Variants in OR1D2 observed in about 807,000 individuals in gnomAD.
The protein encoded by OR1D2 is olfactory receptor 1D2.
For synonymous variants in OR1D2, 157 were observed against 153.9 expected (o/e 1.02, Z -0.15); for missense variants, 357 against 376.1 (o/e 0.95, Z 0.42).
At chr17:3,094,132 TTGGG>T (rs1314912560) in intron 1 of OR1D2, among the ~76,000 whole-genome samples, 4 of 152,174 alleles carry the variant, frequency 2.6e-5, no homozygotes, top group African/African-American at 9.7e-5. Context: ...GCAGATTAAT[TTGGG>T]TGCACTGTAT....
At chr17:3,100,707 C>G (rs973260141) in intron 1 of OR1D2, among the ~76,000 whole-genome samples, 1 of 151,966 alleles carries the variant, frequency 6.6e-6, no homozygotes, top group Non-Finnish European at 1.5e-5. Flanking sequence ...CACAAAAAAA[C>G]CCTTCAAAAA....
chr17:3,092,803 T>C lies in OR1D2; in HGVS notation c.194A>G (p.Asn65Ser), dbSNP rs200416505. 1.2e-5 allele frequency: 20 copies of C among 1,613,394 alleles called. No homozygotes were observed. The highest frequency in any genetic ancestry group is 4.0e-5 in the African/African-American group (3 of 74,668). ...LHTPVYFFLANLSFTDLFFVT... is the reference protein window; with the variant it reads ...LHTPVYFFLASLSFTDLFFVT... ...AAAGAAGAGGTCAGTGAAGGAGAGG[T>C]TGGCCAGGAAGAAGTACACGGGGGT... Residue 65 changes from asparagine (N) to serine (S), a missense_variant, in exon 2 of 2, where the codon AAC (asparagine) becomes AGC (serine). Coordinates refer to ENST00000641833, the MANE Select transcript of OR1D2 (RefSeq NM_002548.3).
rs148991142 is a variant in OR1D2 at position 3,096,964 on chromosome 17, A to G, written c.-50-3918T>C. Among the ~76,000 whole-genome samples the G allele has an allele frequency of 3.4e-3, 519 of 152,390 alleles. 2 individuals carry two copies. Among genetic ancestry groups the G allele is most frequent in the South Asian group, 0.018 (85 of 4,830 alleles). ...TCTATGATAGACCATATTCTAGGCC[A>G]TAAAATAAACCCAAATGACATTAAA... On this transcript the variant is annotated intron_variant, in intron 1 of 1. Transcript: ENST00000641833.
At chr17:3,099,554 A>G (rs1194971712) in intron 1 of OR1D2, among the ~76,000 whole-genome samples, 1 of 152,212 alleles carries the variant, frequency 6.6e-6, no homozygotes, top group African/African-American at 2.4e-5. Flanking sequence ...AAAAACTGGT[A>G]CCAGCGACTG....
Position 3,089,627 on chromosome 17 carries a change from G to C in OR1D2, c.*2431C>G, listed in dbSNP as rs2047794574. ...CAAGAGATTATGCCCTTTGTCTTCGGCTACCAGGGTGCGTAGAGAAAGACC... is the reference window on the plus strand; with the variant it reads ...CAAGAGATTATGCCCTTTGTCTTCGCCTACCAGGGTGCGTAGAGAAAGACC... On this transcript the variant is annotated 3_prime_UTR_variant, in exon 2 of 2. Transcript: ENST00000641833. The C allele has an allele frequency of 6.6e-6, 1 of 152,240 alleles. No individual in the cohort carries two copies. The allele number at this position is 152,240 out of a possible 1,614,324, so 9.4% of individuals were successfully genotyped here.
In OR1D2 at chr17:3,093,028, C is replaced by T. The variant is rs575890680; in HGVS notation, c.-32G>A. 3 of 1,578,082 alleles carry T rather than the reference C, an allele frequency of 1.9e-6. No homozygotes were observed. Among genetic ancestry groups the T allele is most frequent in the Non-Finnish European group, 2.6e-6 (3 of 1,153,290 alleles). On this transcript the variant is annotated 5_prime_UTR_variant, in exon 2 of 2. Transcript: ENST00000641833. ...AACTCTCTTTTAACATTAACACCAG[C>T]AAATGTTTACCAAAAGTCCTTAATT...
At chr17:3,100,617 T>G (rs576104545) in intron 1 of OR1D2, among the ~76,000 whole-genome samples, 53 of 151,968 alleles carry the variant, frequency 3.5e-4, no homozygotes, top group Non-Finnish European at 6.0e-4. Flanking sequence ...TTAAAAGAGC[T>G]AGAGAATCAA....
chr17:3,101,694 T>C (rs2047875564), intron 1 of OR1D2, among the ~76,000 whole-genome samples: 1 of 152,080 alleles, frequency 6.6e-6, no homozygotes, highest in Non-Finnish European at 1.5e-5. Context: ...AGAAAGAAAT[T>C]AAGGGGATTC....
intron 1 of OR1D2, among the ~76,000 whole-genome samples, chr17:3,100,333 C>A (rs1241989140): frequency 6.6e-6 from 1 of 152,146 alleles, no homozygotes; most frequent in African/African-American, 2.4e-5. Context: ...GTCTCTCAGA[C>A]CACAGTGCCA....
intron 1 of OR1D2, among the ~76,000 whole-genome samples, chr17:3,096,304 A>C (rs2047844351): frequency 6.6e-6 from 1 of 152,222 alleles, no homozygotes; most frequent in Non-Finnish European, 1.5e-5. Context: ...AGAGTGGATA[A>C]AAACATGATT....
chr17:3,095,957 AATAAT>A (rs2047842952), intron 1 of OR1D2, among the ~76,000 whole-genome samples: 1 of 152,126 alleles, frequency 6.6e-6, no homozygotes, highest in African/African-American at 2.4e-5. Flanking sequence ...AAAGGAAGAA[AATAAT>A]AGAATTATAT....
rs768626707 is a variant in OR1D2, at chr17:3,093,024, C to A, written c.-28G>T. ...CCCCAACTCTCTTTTAACATTAACA[C>A]CAGCAAATGTTTACCAAAAGTCCTT... On this transcript the variant is annotated 5_prime_UTR_variant, in exon 2 of 2. Transcript: ENST00000641833. 5.0e-6 allele frequency: 8 copies of A among 1,584,690 alleles called. No homozygotes were observed. The Admixed American group carries it at 1.0e-4, about 21-fold the overall frequency.
At chr17:3,095,759 T>C (rs1298692871) in intron 1 of OR1D2, among the ~76,000 whole-genome samples, 2 of 152,052 alleles carry the variant, frequency 1.3e-5, no homozygotes, top group Admixed American at 1.3e-4. Context: ...TAAGATAATA[T>C]GTATATGATG....
At chr17:3,093,391 T>C (rs1377974978) in intron 1 of OR1D2, among the ~76,000 whole-genome samples, 1 of 152,194 alleles carries the variant, frequency 6.6e-6, no homozygotes, top group Non-Finnish European at 1.5e-5. Context: ...TAGGAACAAT[T>C]ATTATTTGTT....
In OR1D2 at chr17:3,091,265, A is replaced by G. The variant is rs1244561166; in HGVS notation, c.*793T>C. On this transcript the variant is annotated 3_prime_UTR_variant, in exon 2 of 2. Coordinates refer to ENST00000641833, the MANE Select transcript of OR1D2 (RefSeq NM_002548.3). ...TCACTCCTTTCACCCGTTTTGAAATATCTTTTACCTGATGTCATTGCAGCA... is the reference window on the plus strand; with the variant it reads ...TCACTCCTTTCACCCGTTTTGAAATGTCTTTTACCTGATGTCATTGCAGCA... 6.6e-6 allele frequency: 1 copy of G among 152,208 alleles called. No individual in the cohort carries two copies. The highest frequency in any genetic ancestry group is 6.5e-5 in the Admixed American group (1 of 15,274). The allele number at this position is 152,208 out of a possible 1,614,324, so 9.4% of individuals were successfully genotyped here.
Position 3,093,009 on chromosome 17 carries a change from C to A in OR1D2, c.-13G>T. The A allele has an allele frequency of 6.2e-7, 1 of 1,610,614 alleles. No individual in the cohort carries two copies. The highest frequency in any genetic ancestry group is 8.5e-7 in the Non-Finnish European group (1 of 1,177,608). ...TGCCTCCATCCATTTCCCCAACTCT[C>A]TTTTAACATTAACACCAGCAAATGT... On this transcript the variant is annotated 5_prime_UTR_variant, in exon 2 of 2. It introduces an in-frame stop codon into an upstream open reading frame of the 5' UTR. Coordinates refer to ENST00000641833, the MANE Select transcript of OR1D2 (RefSeq NM_002548.3).
chr17:3,095,238 A>G lies in OR1D2; in HGVS notation c.-50-2192T>C, dbSNP rs7215883. Among the ~76,000 whole-genome samples, 1,091 of 152,252 alleles carry G rather than the reference A, an allele frequency of 7.2e-3. 17 individuals are homozygous for G. Among genetic ancestry groups the G allele is most frequent in the African/African-American group, 0.025 (1,043 of 41,586 alleles). On this transcript the variant is annotated intron_variant, in intron 1 of 1. Coordinates refer to ENST00000641833, the MANE Select transcript of OR1D2 (RefSeq NM_002548.3). ...GTAAAAAGGCTGAAAGGCAGAGACA[A>G]GGAGAAAATCTTGAAATCAGCAAGT...
intron 1 of OR1D2, among the ~76,000 whole-genome samples, chr17:3,093,724 AT>A (rs1332952025): frequency 1.3e-5 from 2 of 152,352 alleles, no homozygotes; most frequent in African/African-American, 4.8e-5. Context: ...AAACTATCTC[AT>A]CCCCACTGTC....
At chr17:3,099,617 A>G (rs2151708352) in intron 1 of OR1D2, among the ~76,000 whole-genome samples, 1 of 152,174 alleles carries the variant, frequency 6.6e-6, no homozygotes, top group East Asian at 1.9e-4. Context: ...AACTGCATCA[A>G]CCAGTGTGCA....
Sources: gnomAD v4.1 joint callset for allele counts (sites outside exome capture counted in the v4.1 genomes callset) on GRCh38, gnomAD v4.1.1 for gene constraint, MANE v1.5 for transcripts, NCBI Gene and HGNC (gene_info 2026-07-23, HGNC 2026-07-21) for gene names.